CDH10: variants seen among roughly 807,000 people sequenced by gnomAD.
CDH10 encodes cadherin-10.
A neutral mutation model predicts 73.1 loss-of-function variants in CDH10; 30 were observed. The observed-to-expected ratio is 0.41, with a 90% CI of 0.31 to 0.56. The LOEUF (loss-of-function observed/expected upper bound fraction) is 0.56, where lower values mean the gene tolerates loss of function less well. CDH10 is among the 20% of genes least tolerant of loss of function. The pLI, the probability that CDH10 is intolerant of heterozygous loss-of-function variation, is 0.27. For missense variants in CDH10, 815 were observed against 973.7 expected (o/e 0.84, Z 2.17); for synonymous variants, 345 against 348.2 (o/e 0.99, Z 0.10).
At chr5:24,600,779 G>T (rs1003351481) in intron 1 of CDH10, among the ~76,000 whole-genome samples, 4 of 152,118 alleles carry the variant, frequency 2.6e-5, no homozygotes, top group African/African-American at 9.7e-5. Context: ...GCAAAGCTCA[G>T]GGGGGAAAAG....
At chr5:24,512,213 T>C (rs1336346286) in intron 5 of CDH10, among the ~76,000 whole-genome samples, 1 of 152,188 alleles carries the variant, frequency 6.6e-6, no homozygotes, top group Non-Finnish European at 1.5e-5. Flanking sequence ...GGTGTCTTGC[T>C]ATGTTGCCCA....
At chr5:24,536,602 T>A (rs1743961654) in intron 3 of CDH10, among the ~76,000 whole-genome samples, 1 of 152,224 alleles carries the variant, frequency 6.6e-6, no homozygotes, top group East Asian at 1.9e-4. Flanking sequence ...ATGCTTTTCA[T>A]TGCCTGTCAT....
intron 5 of CDH10, among the ~76,000 whole-genome samples, chr5:24,520,445 TAC>T (rs1743273978): frequency 6.6e-6 from 1 of 152,160 alleles, no homozygotes. Context: ...TTTTTAAGAA[TAC>T]ATACATTCTA....
intron 1 of CDH10, among the ~76,000 whole-genome samples, chr5:24,599,603 A>G (rs1357998103): frequency 6.6e-6 from 1 of 152,148 alleles, no homozygotes; most frequent in Non-Finnish European, 1.5e-5. Context: ...GTTCTGCAAA[A>G]TATGTTTCTG....
At chr5:24,498,550 G>A (rs1742375206) in intron 8 of CDH10, 31 bp from the exon 9 acceptor site, 1 of 1,544,674 alleles carries the variant, frequency 6.5e-7, no homozygotes, top group South Asian at 1.1e-5. Flanking sequence ...TATTGTTTAG[G>A]AAGATAAATT....
intron 2 of CDH10, among the ~76,000 whole-genome samples, chr5:24,541,470 T>C (rs185893544): frequency 3.6e-4 from 55 of 152,130 alleles, no homozygotes; most frequent in Admixed American, 2.0e-3. Flanking sequence ...CCTTTTTGTT[T>C]TGGATATCAG....
chr5:24,615,797 A>C (rs564129742), intron 1 of CDH10, among the ~76,000 whole-genome samples: 4 of 152,328 alleles, frequency 2.6e-5, no homozygotes, highest in African/African-American at 9.6e-5. Flanking sequence ...AATTCAACAA[A>C]GTGACCAAAG....
At position 24,487,825 on chromosome 5, in the gene CDH10, G is replaced by T. The variant is rs2111602613; in HGVS notation, c.2205C>A (p.Thr735=). The change falls in exon 12 of 12, where the codon ACC becomes ACA. Residue 735 remains threonine (T), a synonymous_variant. Coordinates refer to ENST00000264463, the MANE Select transcript of CDH10 (RefSeq NM_006727.5). The stretch of plus-strand genomic sequence containing the variant: ...TGGAATCATTTCCTTCATAGGCATA[G>T]GTTGCAAGTGAGTCGTAGGGGGGTG... ...PTAPPYDSLA[T]YAYEGNDSIA... is the part of the protein sequence containing the mutation. The T allele has an allele frequency of 6.2e-7, 1 of 1,613,960 alleles. No homozygotes were observed.
At chr5:24,534,881 ATCATAGGTCTTCCTGTC>A (rs144731160) in intron 5 of CDH10, among the ~76,000 whole-genome samples, 2,234 of 152,226 alleles carry the variant, frequency 0.015, 55 homozygotes, top group African/African-American at 0.047. Context: ...GAGGTTTGGG[ATCATAGGTCTTCCTGTC>A]TCTGAGTGAA....
chr5:24,565,747 T>G (rs944920837), intron 2 of CDH10, among the ~76,000 whole-genome samples: 1 of 151,758 alleles, frequency 6.6e-6, no homozygotes, highest in Admixed American at 6.6e-5. Context: ...GCTCTCTGTC[T>G]CTATCTCTCT....
At chr5:24,547,280 A>G (rs1456707719) in intron 2 of CDH10, among the ~76,000 whole-genome samples, 2 of 152,216 alleles carry the variant, frequency 1.3e-5, no homozygotes, top group Non-Finnish European at 2.9e-5. Context: ...GTCATCATGT[A>G]GAACAGCTAA....
chr5:24,641,788 T>C (rs577244879), intron 1 of CDH10, among the ~76,000 whole-genome samples: 32 of 152,194 alleles, frequency 2.1e-4, no homozygotes, highest in Admixed American at 6.6e-4. Flanking sequence ...ATTCCAGACA[T>C]GACTGTTAAA....
chr5:24,557,310 T>C (rs1744803353), intron 2 of CDH10, among the ~76,000 whole-genome samples: 1 of 151,766 alleles, frequency 6.6e-6, no homozygotes, highest in Admixed American at 6.6e-5. Context: ...TTACTTTTGT[T>C]GCCAACTAAA....
intron 2 of CDH10, among the ~76,000 whole-genome samples, chr5:24,577,987 C>G (rs1396380883): frequency 2.0e-5 from 3 of 152,114 alleles, no homozygotes; most frequent in Admixed American, 6.5e-5. Context: ...AAGAGCCTGA[C>G]CTTCACTTGT....
chr5:24,629,345 T>C (rs1747624601), intron 1 of CDH10, among the ~76,000 whole-genome samples: 1 of 152,098 alleles, frequency 6.6e-6, no homozygotes, highest in Admixed American at 6.6e-5. Flanking sequence ...TTAAAATATA[T>C]TTCACCATAC....
At chr5:24,627,755 T>A (rs980666244) in intron 1 of CDH10, among the ~76,000 whole-genome samples, 8 of 152,158 alleles carry the variant, frequency 5.3e-5, no homozygotes, top group Admixed American at 4.6e-4. Flanking sequence ...CTTTATTTAT[T>A]TGCTTTAACA....
At chr5:24,633,029 T>G (rs1000922188) in intron 1 of CDH10, among the ~76,000 whole-genome samples, 2 of 151,932 alleles carry the variant, frequency 1.3e-5, no homozygotes, top group South Asian at 2.1e-4. Context: ...TAGGGAAAAA[T>G]TTTGTGCTTA....
intron 2 of CDH10, among the ~76,000 whole-genome samples, chr5:24,592,526 A>G: frequency 6.6e-6 from 1 of 151,860 alleles, no homozygotes; most frequent in East Asian, 1.9e-4. Flanking sequence ...AGAAAATTTG[A>G]ACTGAATACA....
At chr5:24,535,950 A>G (rs1230796568) in intron 3 of CDH10, 128 bp from the exon 4 acceptor site, 19 of 528,392 alleles carry the variant, frequency 3.6e-5, no homozygotes, top group Non-Finnish European at 5.5e-5. Flanking sequence ...TTCATATATA[A>G]TTTGGATGAA....
Sources: allele counts gnomAD v4.1 joint callset (sites outside exome capture counted in the v4.1 genomes callset), GRCh38; gene constraint gnomAD v4.1.1; transcripts MANE v1.5; gene names NCBI Gene and HGNC (gene_info 2026-07-23, HGNC 2026-07-21).